Variants in PHLDB2 observed in about 807,000 individuals in gnomAD.
PHLDB2 encodes the protein pleckstrin homology-like domain family B member 2.
Under a neutral mutation model 123.6 loss-of-function variants are expected in PHLDB2, and 71 were observed. The observed-to-expected ratio is 0.57, with a 90% CI of 0.47 to 0.70. The LOEUF (loss-of-function observed/expected upper bound fraction) is 0.70, where lower values mean the gene tolerates loss of function less well. Among genes scored for constraint, PHLDB2 ranks in the 30% least tolerant of loss-of-function variants. The pLI, the probability that PHLDB2 is intolerant of heterozygous loss-of-function variation, is 0.00. For missense variants in PHLDB2, 1,446 were observed against 1,519.5 expected (o/e 0.95, Z 0.80); for synonymous variants, 547 against 541.6 (o/e 1.01, Z -0.14).
chr3:111,919,429 G>C (rs2068365792), intron 4 of PHLDB2, among the ~76,000 whole-genome samples: 1 of 151,212 alleles, frequency 6.6e-6, no homozygotes, highest in African/African-American at 2.4e-5. Context: ...AACATATTAA[G>C]CCCTCTTTAA....
chr3:111,792,205 A>C (rs1364549163), intron 1 of PHLDB2, among the ~76,000 whole-genome samples: 2 of 152,214 alleles, frequency 1.3e-5, no homozygotes, highest in Admixed American at 1.3e-4. Flanking sequence ...AGTGGTGACA[A>C]ATATCTTCAG....
intron 5 of PHLDB2, among the ~76,000 whole-genome samples, chr3:111,925,456 G>A (rs539359663): frequency 2.6e-4 from 40 of 152,268 alleles, no homozygotes; most frequent in African/African-American, 8.9e-4. Context: ...TTCTCGGATA[G>A]TAGCCACATC....
At chr3:111,746,177 G>C (rs1249609036) in intron 1 of PHLDB2, among the ~76,000 whole-genome samples, 1 of 152,166 alleles carries the variant, frequency 6.6e-6, no homozygotes, top group African/African-American at 2.4e-5. Flanking sequence ...TGGACTGAGC[G>C]AGTCAGTGAC....
At chr3:111,853,118 G>T (rs1004738019) in intron 2 of PHLDB2, among the ~76,000 whole-genome samples, 2 of 152,008 alleles carry the variant, frequency 1.3e-5, no homozygotes, top group Non-Finnish European at 2.9e-5. Flanking sequence ...ATATATTAGA[G>T]AATGTATAGT....
At chr3:111,957,060 G>C (rs1462608323) in intron 12 of PHLDB2, 1 of 152,516 alleles carries the variant, frequency 6.6e-6, no homozygotes, top group Non-Finnish European at 1.5e-5. Context: ...ACTGTTAATA[G>C]AACTGACAGC....
intron 12 of PHLDB2, among the ~76,000 whole-genome samples, chr3:111,954,646 T>G (rs943190434): frequency 7.9e-5 from 12 of 152,212 alleles, no homozygotes; most frequent in Non-Finnish European, 1.3e-4. Context: ...GGGCTAAGCT[T>G]CCTGTTGAGA....
At chr3:111,855,378 T>C (rs1488476882), upstream of PHLDB2, among the ~76,000 whole-genome samples, 2 of 147,862 alleles carry the variant, frequency 1.4e-5, no homozygotes, top group East Asian at 1.9e-4. Flanking sequence ...ACCCAGGAAA[T>C]AGAAAAGGTA....
upstream of PHLDB2, among the ~76,000 whole-genome samples, chr3:111,857,460 A>AAAAAAAAAAAAAAAAG (rs71131985): frequency 1.2e-5 from 1 of 81,044 alleles, no homozygotes; most frequent in Non-Finnish European, 2.7e-5. Context: ...CAAAAAAAAA[A>AAAAAAAAAAAAAAAAG]AAAAGAAAAG....
rs1559827031 is a variant in PHLDB2 at position 111,780,294 on chromosome 3, AGAGGAAGAGGAAGAG to A, written c.-49+47594_-49+47608del. Among the ~76,000 whole-genome samples the A allele has an allele frequency of 1.3e-3, 6 of 4,678 alleles. 1 individual carries two copies. The highest frequency in any genetic ancestry group is 2.7e-3 in the Non-Finnish European group (4 of 1,488). 3.1% of individuals were successfully genotyped at this position (4,678 alleles called of 152,430 possible). ...GAAAAGAAGAAGAAGAAGAAGAAGA[AGAGGAAGAGGAAGAG>A]GAAGAGGAAGAGGAAGAAGAAGAAG... is the stretch of plus-strand genomic sequence containing the variant. On this transcript the variant is annotated intron_variant, in intron 1 of 17. Transcript: ENST00000393923.
intron 1 of PHLDB2, among the ~76,000 whole-genome samples, chr3:111,822,404 G>A (rs1427698691): frequency 6.6e-6 from 1 of 151,860 alleles, no homozygotes; most frequent in Non-Finnish European, 1.5e-5. Flanking sequence ...TGAAAGGCAG[G>A]TGTAGAAGAG....
chr3:111,952,953 T>C (rs2070804576), intron 11 of PHLDB2, among the ~76,000 whole-genome samples: 1 of 152,080 alleles, frequency 6.6e-6, no homozygotes, highest in South Asian at 2.1e-4. Context: ...AGGCGATGAG[T>C]GGCATTCACT....
rs1466491587 is a variant in PHLDB2, at chr3:111,780,138, G to A, written c.-49+47435G>A. Among the ~76,000 whole-genome samples, 3 of 150,948 alleles carry A rather than the reference G, an allele frequency of 2.0e-5. 1 individual carries two copies. In the Admixed American group the frequency reaches 2.0e-4, roughly 10 times the overall value. On this transcript the variant is annotated intron_variant, in intron 1 of 17. Coordinates refer to the PHLDB2 transcript ENST00000393923. ...AATGCCCCCACCAAAACTCATGCTGGAATTTAATTGCCATTGCAACCACAT... is the reference window on the plus strand; with the variant it reads ...AATGCCCCCACCAAAACTCATGCTGAAATTTAATTGCCATTGCAACCACAT...
upstream of PHLDB2, among the ~76,000 whole-genome samples, chr3:111,856,866 A>T (rs1462366990): frequency 1.3e-5 from 2 of 152,234 alleles, no homozygotes; most frequent in Non-Finnish European, 2.9e-5. Context: ...AACATAATTT[A>T]AAAAGTACAT....
At chr3:111,825,490 C>T (rs949873605) in intron 1 of PHLDB2, among the ~76,000 whole-genome samples, 2 of 152,220 alleles carry the variant, frequency 1.3e-5, no homozygotes, top group African/African-American at 4.8e-5. Flanking sequence ...CTCTGTTACC[C>T]AGGCTGGGGT....
At chr3:111,919,334 A>G (rs2107526225) in intron 4 of PHLDB2, 119 bp downstream of exon 4, 1 of 1,019,032 alleles carries the variant, frequency 9.8e-7, no homozygotes, top group Non-Finnish European at 1.5e-6. Context: ...GCAAACATTT[A>G]TTCAGTGGGT....
chr3:111,817,105 A>G (rs1398235174), intron 1 of PHLDB2, among the ~76,000 whole-genome samples: 1 of 152,060 alleles, frequency 6.6e-6, no homozygotes, highest in Non-Finnish European at 1.5e-5. Context: ...CAATAAACCT[A>G]TTTCTTTTGT....
At position 111,766,903 on chromosome 3, in the gene PHLDB2, T is replaced by G. The variant is rs531769326; in HGVS notation, c.-49+34200T>G. On this transcript the variant is annotated intron_variant, in intron 1 of 17. Transcript: ENST00000393923. ...CAAAATTACCAGGTGTGGTGGCACG[T>G]GCCTGTAATCCCAGCTACTTGGGAG... Among the ~76,000 whole-genome samples, 13 of 151,990 alleles carry G rather than the reference T, an allele frequency of 8.6e-5. No homozygotes were observed. The South Asian group carries it at 2.7e-3, about 32-fold the overall frequency.
chr3:111,893,643 C>A (rs190090540), intron 2 of PHLDB2, among the ~76,000 whole-genome samples: 5 of 147,712 alleles, frequency 3.4e-5, no homozygotes, highest in African/African-American at 4.9e-5. Flanking sequence ...CCAGTCAATT[C>A]TCTACCTTTT....
intron 1 of PHLDB2, among the ~76,000 whole-genome samples, chr3:111,843,959 G>A (rs1264828627): frequency 6.6e-6 from 1 of 152,138 alleles, no homozygotes; most frequent in Non-Finnish European, 1.5e-5. Context: ...AACTCAGTAC[G>A]TAAAAAACTC....
Sources: allele counts gnomAD v4.1 joint callset (sites outside exome capture counted in the v4.1 genomes callset), GRCh38; gene constraint gnomAD v4.1.1; transcripts MANE v1.5; gene names NCBI Gene and HGNC (gene_info 2026-07-23, HGNC 2026-07-21).